NRXN3: variants seen among roughly 807,000 people sequenced by gnomAD.
NRXN3 encodes the protein neurexin 3, also known as neurexin III.
Under a neutral mutation model 137.6 loss-of-function variants are expected in NRXN3, and 32 were observed. The ratio of observed to expected loss-of-function variants is 0.23; its 90% CI spans 0.18 to 0.31. The LOEUF is 0.31. Ranked by LOEUF, NRXN3 falls within the 10% of genes least tolerant of loss-of-function variation. The pLI, the probability that NRXN3 is intolerant of heterozygous loss-of-function variation, is 1.00. For missense variants in NRXN3, 1,574 were observed against 2,062.5 expected (o/e 0.76, Z 4.59); for synonymous variants, 798 against 784.5 (o/e 1.02, Z -0.29).
intron 16 of NRXN3, among the ~76,000 whole-genome samples, chr14:79,535,366 T>C (rs1041679033): frequency 3.3e-5 from 5 of 152,198 alleles, no homozygotes; most frequent in Non-Finnish European, 5.9e-5. Flanking sequence ...AATGAGTGTG[T>C]TGTGAGTGCA....
chr14:79,156,740 G>T (rs1029332839), intron 15 of NRXN3, among the ~76,000 whole-genome samples: 15 of 151,752 alleles, frequency 9.9e-5, no homozygotes, highest in African/African-American at 3.6e-4. Context: ...AAGTAAAGAA[G>T]ACTTTGTTTG....
chr14:78,440,696 G>A (rs1160713677), intron 4 of NRXN3, among the ~76,000 whole-genome samples: 1 of 152,022 alleles, frequency 6.6e-6, no homozygotes, highest in African/African-American at 2.4e-5. Flanking sequence ...TTTTATTAGA[G>A]CAAATCAGGC....
chr14:78,396,556 A>G (rs897223767), intron 4 of NRXN3, among the ~76,000 whole-genome samples: 11 of 152,184 alleles, frequency 7.2e-5, no homozygotes, highest in African/African-American at 2.7e-4. Context: ...ATCTGAAAAT[A>G]TGTTGAGTTT....
intron 15 of NRXN3, among the ~76,000 whole-genome samples, chr14:79,198,535 G>A (rs1420270822): frequency 3.3e-5 from 5 of 152,222 alleles, no homozygotes; most frequent in Non-Finnish European, 5.9e-5. Flanking sequence ...GCTGAACGAT[G>A]TGCATTACTC....
Position 79,209,396 on chromosome 14 carries a change from G to A in NRXN3, c.3262+221255G>A, listed in dbSNP as rs144344377. On this transcript the variant is annotated intron_variant, in intron 15 of 20. Coordinates refer to ENST00000335750, the MANE Select transcript of NRXN3 (RefSeq NM_001330195.2). ...TATTTCAGTCTGTCTATAATGCACT[G>A]CTATGTAATTACTAGGGAAACTTCT... Among the ~76,000 whole-genome samples, 391 of 151,960 alleles carry A rather than the reference G, an allele frequency of 2.6e-3. 3 individuals are homozygous for A. The highest frequency in any genetic ancestry group is 9.0e-3 in the African/African-American group (372 of 41,462).
intron 16 of NRXN3, among the ~76,000 whole-genome samples, chr14:79,547,962 G>A (rs2097336856): frequency 6.6e-6 from 1 of 152,086 alleles, no homozygotes; most frequent in Admixed American, 6.6e-5. Context: ...GTGAGAAGAG[G>A]CTAGGAGAGG....
Position 78,764,983 on chromosome 14 carries a change from G to A in NRXN3, c.2045-38637G>A, listed in dbSNP as rs141433751. ...ATGTAAAGGGATTTAGACAAGATTT[G>A]CTTTGCTAGTGAAGGGAGTGGGTAG... On this transcript the variant is annotated intron_variant, in intron 8 of 20. Coordinates refer to ENST00000335750, the MANE Select transcript of NRXN3 (RefSeq NM_001330195.2). Among the ~76,000 whole-genome samples, 338 of 152,286 alleles carry A rather than the reference G, an allele frequency of 2.2e-3. 2 individuals are homozygous for A. The highest frequency in any genetic ancestry group is 7.7e-3 in the African/African-American group (322 of 41,556).
At chr14:79,009,868 G>A (rs762395703) in intron 15 of NRXN3, among the ~76,000 whole-genome samples, 1 of 152,146 alleles carries the variant, frequency 6.6e-6, no homozygotes, top group African/African-American at 2.4e-5. Context: ...GTAAAATAAA[G>A]GCTTCTTTTG....
At chr14:78,633,767 A>C (rs1028590433) in intron 4 of NRXN3, among the ~76,000 whole-genome samples, 1 of 152,236 alleles carries the variant, frequency 6.6e-6, no homozygotes, top group Non-Finnish European at 1.5e-5. Flanking sequence ...CTTGGCATTG[A>C]AAGCTTTAAG....
chr14:78,592,953 G>C (rs2097129387), intron 4 of NRXN3, among the ~76,000 whole-genome samples: 1 of 152,216 alleles, frequency 6.6e-6, no homozygotes, highest in Non-Finnish European at 1.5e-5. Context: ...CTGGGAGGCT[G>C]AGGTCTGATG....
intron 4 of NRXN3, among the ~76,000 whole-genome samples, chr14:78,373,996 T>A (rs1198936539): frequency 6.6e-6 from 1 of 152,230 alleles, no homozygotes; most frequent in East Asian, 1.9e-4. Flanking sequence ...TTGACTTTTT[T>A]GGTTTGTTTA....
intron 8 of NRXN3, among the ~76,000 whole-genome samples, chr14:78,786,324 A>G (rs111410838): frequency 0.012 from 1,869 of 152,306 alleles, 17 homozygotes; most frequent in Middle Eastern, 0.034. Flanking sequence ...GAGGTTGGCC[A>G]GAGGGTTGAT....
chr14:78,711,577 A>AT (rs752394700), intron 7 of NRXN3, among the ~76,000 whole-genome samples: 1 of 151,262 alleles, frequency 6.6e-6, no homozygotes, highest in Non-Finnish European at 1.5e-5. Flanking sequence ...AGTAGCTGGG[A>AT]TTACAGGCAC....
At chr14:79,033,905 T>C (rs2099611764) in intron 15 of NRXN3, among the ~76,000 whole-genome samples, 1 of 152,118 alleles carries the variant, frequency 6.6e-6, no homozygotes, top group Non-Finnish European at 1.5e-5. Flanking sequence ...GGGATGAGAA[T>C]TCTTTTAGCT....
chr14:78,492,768 C>T (rs886373561), intron 4 of NRXN3, among the ~76,000 whole-genome samples: 2 of 152,262 alleles, frequency 1.3e-5, no homozygotes, highest in Middle Eastern at 6.8e-3. Context: ...GTTAGTCTGT[C>T]TTTTATCCTT....
Position 78,957,230 on chromosome 14 carries a change from T to C in NRXN3, c.2276-12T>C. On this transcript the variant is annotated splice_polypyrimidine_tract_variant and intron_variant, in intron 10 of 20. Coordinates refer to ENST00000335750, the MANE Select transcript of NRXN3 (RefSeq NM_001330195.2). ...AATTGATTCTAACTTTGGCACTTAC[T>C]ACCATCCTTAGGCAAAGGACCAGAG... 6.2e-7 allele frequency: 1 copy of C among 1,613,264 alleles called. No homozygotes were observed. Among genetic ancestry groups the C allele is most frequent in the Non-Finnish European group, 8.5e-7 (1 of 1,179,642 alleles).
At chr14:78,952,923 G>T (rs957641387) in intron 10 of NRXN3, among the ~76,000 whole-genome samples, 10 of 152,158 alleles carry the variant, frequency 6.6e-5, no homozygotes, top group African/African-American at 2.4e-4. Flanking sequence ...GAGCTTTGTG[G>T]CATATGGAAG....
At chr14:78,227,148 A>G (rs2064779622) in intron 1 of NRXN3, among the ~76,000 whole-genome samples, 1 of 152,232 alleles carries the variant, frequency 6.6e-6, no homozygotes, top group Non-Finnish European at 1.5e-5. Context: ...CGTGTAGGGA[A>G]GATTCATGTA....
In NRXN3 at chr14:78,847,570, A is replaced by G. The variant is rs74067142; in HGVS notation, c.2275+37226A>G. 4.1e-3 allele frequency among the ~76,000 whole-genome samples: 623 copies of G among 152,186 alleles called. 5 individuals are homozygous for G. Among genetic ancestry groups the G allele is most frequent in the African/African-American group, 0.014 (578 of 41,556 alleles). ...TGGAGGGGCCAGTATGCCACTTCCT[A>G]GGGAAAGGCAAAGGCATTTCTTCTC... On this transcript the variant is annotated intron_variant, in intron 10 of 20. Transcript: ENST00000335750.
Sources: allele counts gnomAD v4.1 joint callset (sites outside exome capture counted in the v4.1 genomes callset), GRCh38; gene constraint gnomAD v4.1.1; transcripts MANE v1.5; gene names NCBI Gene and HGNC (gene_info 2026-07-23, HGNC 2026-07-21).